The following MACF1 variants were observed in gnomAD, a reference collection of about 807,000 sequenced individuals.
The protein encoded by MACF1 is microtubule-actin cross-linking factor 1.
In MACF1, 193 loss-of-function variants were observed where a neutral mutation model predicts 854.8. The ratio of observed to expected loss-of-function variants is 0.23; its 90% CI spans 0.20 to 0.25. MACF1 has a LOEUF of 0.25. Ranked by LOEUF, MACF1 falls within the 10% of genes least tolerant of loss-of-function variation. MACF1 has a pLI of 1.00. For missense variants in MACF1, 7,722 were observed against 8,929.1 expected (o/e 0.86, Z 5.45); for synonymous variants, 3,185 against 3,226.7 (o/e 0.99, Z 0.44).
intron 49 of MACF1, among the ~76,000 whole-genome samples, chr1:39,365,119 G>A (rs1318191471): frequency 6.6e-6 from 1 of 151,432 alleles, no homozygotes; most frequent in Non-Finnish European, 1.5e-5. Flanking sequence ...CTCTGTCACC[G>A]AGGCTGGAGT....
intron 89 of MACF1, among the ~76,000 whole-genome samples, chr1:39,455,672 C>A (rs1644421790): frequency 6.6e-6 from 1 of 152,100 alleles, no homozygotes; most frequent in South Asian, 2.1e-4. Flanking sequence ...GTCTGCCTGC[C>A]ACAGCCTGTT....
At chr1:39,184,100 T>G (rs1644137819) in intron 2 of MACF1, among the ~76,000 whole-genome samples, 4 of 152,252 alleles carry the variant, frequency 2.6e-5, no homozygotes, top group Admixed American at 2.6e-4. Flanking sequence ...AAACATCACC[T>G]GTTTTTTAGT....
intron 2 of MACF1, among the ~76,000 whole-genome samples, chr1:39,141,437 A>G (rs1434536555): frequency 6.6e-6 from 1 of 152,090 alleles, no homozygotes; most frequent in East Asian, 1.9e-4. Context: ...AAGAGCATGG[A>G]CTCAAGCTGC....
At chr1:39,342,799 C>T (rs1646965220) in intron 40 of MACF1, among the ~76,000 whole-genome samples, 1 of 152,094 alleles carries the variant, frequency 6.6e-6, no homozygotes, top group South Asian at 2.1e-4. Flanking sequence ...GGATTACAGA[C>T]ATGAGCCACC....
chr1:39,336,136 G>A lies in MACF1; in HGVS notation c.9548G>A (p.Gly3183Asp), dbSNP rs1646806145. 6.2e-7 allele frequency: 1 copy of A among 1,613,992 alleles called. No individual in the cohort carries two copies. Residue 3183 changes from glycine to aspartate, a missense_variant, in exon 37 of 101, where the codon GGT becomes GAT. By Grantham distance (94) the Gly-to-Asp change is moderately conservative. Around this residue, in one of 15 missense-constraint regions of MACF1, gnomAD observed 854 missense variants for 852.6 expected, o/e 1.00. Transcript: ENST00000564288. The part of the protein sequence containing the change: ...YQEVSFDPAR[G>D]LKLEEITVSR... Reference sequence around the variant, plus strand: ...GAAGTATCTTTTGACCCAGCAAGAGGTCTTAAATTGGAAGAAATCACAGTT... The same window carrying A: ...GAAGTATCTTTTGACCCAGCAAGAGATCTTAAATTGGAAGAAATCACAGTT...
intron 2 of MACF1, among the ~76,000 whole-genome samples, chr1:39,246,887 G>A (rs1471415044): frequency 1.3e-5 from 2 of 150,566 alleles, no homozygotes; most frequent in Non-Finnish European, 3.0e-5. Flanking sequence ...GCAATTTTGT[G>A]AGCTGGTTGC....
At chr1:39,170,612 TA>T in intron 2 of MACF1, among the ~76,000 whole-genome samples, 1 of 152,322 alleles carries the variant, frequency 6.6e-6, no homozygotes, top group South Asian at 2.1e-4. Context: ...GTGAAACGAC[TA>T]TTATAGGAAA....
intron 2 of MACF1, among the ~76,000 whole-genome samples, chr1:39,093,398 C>T (rs899996328): frequency 1.4e-5 from 2 of 147,766 alleles, no homozygotes; most frequent in Non-Finnish European, 3.0e-5. Flanking sequence ...TCATTGCAAC[C>T]ACCGCCTCCT....
At chr1:39,200,586 CT>C (rs1044856384), upstream of MACF1, among the ~76,000 whole-genome samples, 3 of 151,954 alleles carry the variant, frequency 2.0e-5, no homozygotes, top group African/African-American at 7.3e-5. Context: ...GTAATCCCAG[CT>C]TCTTGGGAGG....
Position 39,123,717 on chromosome 1 carries a change from G to GTTT in MACF1, c.220+39297_220+39299dup, listed in dbSNP as rs1170430073. On this transcript the variant is annotated intron_variant, in intron 2 of 93. Coordinates refer to the MACF1 transcript ENST00000361689. Reference sequence around the variant, plus strand: ...ACCATGCCCGGCTAATTCTTGTTTTGTTTTTTTTTTTTTTTTTTTTGTCCG... The same window carrying GTTT: ...ACCATGCCCGGCTAATTCTTGTTTTGTTTTTTTTTTTTTTTTTTTTTTTGTCCG... Among the ~76,000 whole-genome samples, 183 of 100,484 alleles carry GTTT rather than the reference G, an allele frequency of 1.8e-3. 12 individuals carry two copies. Among genetic ancestry groups the GTTT allele is most frequent in the African/African-American group, 5.5e-3 (129 of 23,260 alleles). The allele number at this position is 100,484 out of a possible 152,430, so 65.9% of individuals were successfully genotyped here.
At chr1:39,187,907 CTCCT>C (rs1553160230) in intron 2 of MACF1, among the ~76,000 whole-genome samples, 2 of 14,120 alleles carry the variant, frequency 1.4e-4, no homozygotes, top group African/African-American at 2.5e-4. Context: ...TCTCTCCTCT[CTCCT>C]TCCTTCCTTC....
rs926004148 is a variant in MACF1, at chr1:39,126,039, G to A, written c.220+41601G>A. On this transcript the variant is annotated intron_variant, in intron 2 of 93. Transcript: ENST00000361689. ...AGCAAAAACATATAATTTATGACAG[G>A]ATAAATGCCATTTTTTTTGACCAGC... 2.0e-5 allele frequency among the ~76,000 whole-genome samples: 3 copies of A among 152,270 alleles called. No homozygotes were observed. The South Asian group carries it at 6.2e-4, about 32-fold the overall frequency.
chr1:39,334,678 C>T lies in MACF1; in HGVS notation c.8090C>T (p.Ala2697Val), dbSNP rs747368761. The part of the protein sequence containing the change: ...QANTGGIIDT[A>V]TGKRLTLASA... ...AATACTGGTGGAATCATAGATACTG[C>T]TACTGGAAAAAGACTGACATTGGCA... Residue 2697 changes from alanine to valine, a missense_variant, in exon 37 of 101, where the codon GCT becomes GTT. Physicochemically the swap from Ala to Val is moderately conservative, Grantham distance 64. This residue lies in a region of MACF1 where 1,531 missense variants were observed against 1,601.6 expected (regional missense o/e 0.96). Coordinates refer to ENST00000564288, the MANE Select transcript of MACF1 (RefSeq NM_001394062.1). The T allele has an allele frequency of 1.7e-5, 28 of 1,613,904 alleles. No individual in the cohort carries two copies. The Admixed American group carries it at 2.8e-4, about 16-fold the overall frequency.
At chr1:39,327,983 A>G (rs936265343) in intron 36 of MACF1, among the ~76,000 whole-genome samples, 1 of 152,140 alleles carries the variant, frequency 6.6e-6, no homozygotes, top group African/African-American at 2.4e-5. Context: ...TATTATATAC[A>G]TGTGTCTCTG....
rs371766361 is a variant in MACF1, at chr1:39,439,300, G to A, written c.18247G>A (p.Val6083Ile). 7.4e-6 allele frequency: 12 copies of A among 1,612,776 alleles called. No individual in the cohort carries two copies. In the South Asian group the frequency reaches 8.8e-5, roughly 12 times the overall value. ...AATCCAGGATAAATTGGATCAAATGGTATTCTTCTGGGAGGACATCAAAGC... is the reference window on the plus strand; with the variant it reads ...AATCCAGGATAAATTGGATCAAATGATATTCTTCTGGGAGGACATCAAAGC... ...KEIQDKLDQMVFFWEDIKARA... is the reference protein window; with the variant it reads ...KEIQDKLDQMIFFWEDIKARA... The change falls in exon 72 of 101, where the codon GTA (valine) becomes ATA (isoleucine). Residue 6083 changes from valine (V) to isoleucine (I), a missense_variant. This residue lies in a region of MACF1 where 2,807 missense variants were observed against 3,235.8 expected (regional missense o/e 0.87). Coordinates refer to ENST00000564288, the MANE Select transcript of MACF1 (RefSeq NM_001394062.1).
At chr1:39,326,680 C>CAAAA (rs57108021) in intron 35 of MACF1, among the ~76,000 whole-genome samples, 5 of 72,732 alleles carry the variant, frequency 6.9e-5, no homozygotes, top group African/African-American at 1.7e-4. Flanking sequence ...GACTCCATCT[C>CAAAA]AAAAAAAAAA....
At chr1:39,094,024 C>T (rs973144298) in intron 2 of MACF1, among the ~76,000 whole-genome samples, 4 of 152,052 alleles carry the variant, frequency 2.6e-5, no homozygotes, top group South Asian at 2.1e-4. Context: ...GGTGATCCAC[C>T]GCCTCGGCCT....
chr1:39,213,047 AG>A (rs1644535293), intron 1 of MACF1, among the ~76,000 whole-genome samples: 1 of 152,270 alleles, frequency 6.6e-6, no homozygotes, highest in African/African-American at 2.4e-5. Flanking sequence ...AGGGTATAAC[AG>A]GGAGCACAGC....
chr1:39,287,719 C>T, intron 15 of MACF1, 157 bp downstream of exon 15: 2 of 819,628 alleles, frequency 2.4e-6, no homozygotes, highest in South Asian at 1.8e-5. Flanking sequence ...GTTGCCCAGG[C>T]TGGACTGGAA....
Sources: allele counts gnomAD v4.1 joint callset (sites outside exome capture counted in the v4.1 genomes callset), GRCh38; gene constraint gnomAD v4.1.1; regional missense constraint gnomAD v4.1.1; transcripts MANE v1.5; gene names NCBI Gene and HGNC (gene_info 2026-07-23, HGNC 2026-07-21).